ARPC5: variants seen among roughly 807,000 people sequenced by gnomAD.
ARPC5 encodes actin-related protein 2/3 complex subunit 5.
Under a neutral mutation model 15.4 loss-of-function variants are expected in ARPC5, and 5 were observed. The ratio of observed to expected loss-of-function variants is 0.32; its 90% confidence interval spans 0.17 to 0.68. The LOEUF (loss-of-function observed/expected upper bound fraction) is 0.68. Among genes scored for constraint, ARPC5 ranks in the 30% least tolerant of loss-of-function variants. The pLI is 0.71. For missense variants in ARPC5, 138 were observed against 192.8 expected (o/e 0.72, Z 1.68); for synonymous variants, 85 against 72.2 (o/e 1.18, Z -0.90).
rs910080900 is a variant in ARPC5, at chr1:183,621,217, G to T, written c.*6315C>A. ...AAAGTATAATTGATAAAACCTTTAA[G>T]AAAGGCAATTTAGCAATATCTCCCT... On this transcript the variant is annotated 3_prime_UTR_variant, in exon 4 of 4. Transcript: ENST00000359856. 4.6e-5 allele frequency: 7 copies of T among 152,140 alleles called. No individual in the cohort carries two copies. Among genetic ancestry groups the T allele is most frequent in the African/African-American group, 1.2e-4 (5 of 41,442 alleles). 9.4% of individuals were successfully genotyped at this position (152,140 alleles called of 1,614,324 possible).
intron 1 of ARPC5, among the ~76,000 whole-genome samples, chr1:183,634,631 T>C (rs941687853): frequency 6.6e-6 from 1 of 152,212 alleles, no homozygotes; most frequent in Non-Finnish European, 1.5e-5. Context: ...AACCGGGAAC[T>C]GACTGCCATA....
Position 183,635,547 on chromosome 1 carries a change from T to C in ARPC5, c.113A>G (p.Asp38Gly). 1 of 1,612,972 alleles carries C rather than the reference T, an allele frequency of 6.2e-7. No homozygotes were observed. Among genetic ancestry groups the C allele is most frequent in the Non-Finnish European group, 8.5e-7 (1 of 1,179,700 alleles). ...CAGGCAGGAGTCCACCTCGCCCTCG[T>C]CGGGCCCGGCCTGGCCGTCGCCCCC... ...EDGGDGQAGP[D>G]EGEVDSCLRQ... Residue 38 changes from aspartate to glycine, a missense_variant, in exon 1 of 4, where the codon GAC (aspartate) becomes GGC (glycine). Physicochemically the swap from Asp to Gly is moderately conservative, Grantham distance 94. Transcript: ENST00000359856.
At chr1:183,627,902 G>A (rs111866408) in intron 3 of ARPC5, among the ~76,000 whole-genome samples, 9 of 152,044 alleles carry the variant, frequency 5.9e-5, no homozygotes, top group Admixed American at 1.3e-4. Context: ...GGCCGGGCGC[G>A]GTGGCTCACG....
rs1649323762 is a variant in ARPC5 at position 183,633,363 on chromosome 1, C to CTAATTTCACCCTTGGTTTTTAAT, written c.144-210_144-209insATTAAAAACCAAGGGTGAAATTA. 1.3e-5 allele frequency: 5 copies of CTAATTTCACCCTTGGTTTTTAAT among 392,236 alleles called. No homozygotes were observed. In the South Asian group the frequency reaches 1.8e-4, roughly 14 times the overall value. The allele number at this position is 392,236 out of a possible 1,614,324, so 24.3% of individuals were successfully genotyped here. A position where few individuals can be genotyped will look rare whatever the true frequency, so the allele number is the denominator to read the frequency against. On this transcript the variant is annotated intron_variant, in intron 1 of 3. Coordinates refer to ENST00000359856, the MANE Select transcript of ARPC5 (RefSeq NM_005717.4). ...AACATTAGACTTTTTTTTAATAAAG[C>CTAATTTCACCCTTGGTTTTTAAT]AAAGACTGTTTCACCCTTGGTTCTA...
chr1:183,626,836 T>A lies in ARPC5; in HGVS notation c.*696A>T. On this transcript the variant is annotated 3_prime_UTR_variant, in exon 4 of 4. Coordinates refer to ENST00000359856, the MANE Select transcript of ARPC5 (RefSeq NM_005717.4). ...TTTGATGTTCATGCCCAACAAGCTC[T>A]GATATTTTATGGATACATTTGTATA... 1 of 152,302 alleles carries A rather than the reference T, an allele frequency of 6.6e-6. No homozygotes were observed. The highest frequency in any genetic ancestry group is 1.9e-4 in the East Asian group (1 of 5,200). 9.4% of individuals were successfully genotyped at this position (152,302 alleles called of 1,614,324 possible).
intron 3 of ARPC5, among the ~76,000 whole-genome samples, chr1:183,629,049 A>T (rs1461887684): frequency 6.6e-6 from 1 of 152,222 alleles, no homozygotes; most frequent in African/African-American, 2.4e-5. Flanking sequence ...GAACAGATAG[A>T]TTTCAGAAAT....
Position 183,623,614 on chromosome 1 carries a change from G to T in ARPC5, c.*3918C>A. ...TTTAAGGGCACTTGGTTCTACAGAG[G>T]CCGTTGGTCTGTTCCTTAATTGGGT... On this transcript the variant is annotated 3_prime_UTR_variant, in exon 4 of 4. Transcript: ENST00000359856. 8.8e-7 allele frequency: 1 copy of T among 1,142,572 alleles called. No individual in the cohort carries two copies. The allele number at this position is 1,142,572 out of a possible 1,614,324, so 70.8% of individuals were successfully genotyped here. A position where few individuals can be genotyped will look rare whatever the true frequency, so the allele number is the denominator to read the frequency against.
At chr1:183,631,631 G>C (rs940863269) in intron 2 of ARPC5, 3 of 150,090 alleles carry the variant, frequency 2.0e-5, no homozygotes, top group Admixed American at 6.6e-5. Context: ...AGGCAGATTT[G>C]CAGTTTCACC....
At chr1:183,628,803 G>A (rs1307850574) in intron 3 of ARPC5, among the ~76,000 whole-genome samples, 4 of 152,230 alleles carry the variant, frequency 2.6e-5, no homozygotes. Flanking sequence ...CAGGAAAAAG[G>A]CTGGCATTGC....
rs909909155 is a variant in ARPC5 at position 183,622,155 on chromosome 1, C to T, written c.*5377G>A. The stretch of plus-strand genomic sequence containing the variant: ...GGGTAAAATCTTATATAGGTATTTG[C>T]CTGTAAATGCATACACTGTATCTGG... On this transcript the variant is annotated 3_prime_UTR_variant, in exon 4 of 4. Coordinates refer to ENST00000359856, the MANE Select transcript of ARPC5 (RefSeq NM_005717.4). The T allele has an allele frequency of 6.6e-6, 1 of 152,042 alleles. No individual in the cohort carries two copies. The highest frequency in any genetic ancestry group is 2.4e-5 in the African/African-American group (1 of 41,404). The allele number at this position is 152,042 out of a possible 1,614,324, so 9.4% of individuals were successfully genotyped here. A position where few individuals can be genotyped will look rare whatever the true frequency, so the allele number is the denominator to read the frequency against.
intron 2 of ARPC5, chr1:183,630,905 G>C (rs530654907): frequency 2.9e-6 from 1 of 348,734 alleles, no homozygotes; most frequent in African/African-American, 2.1e-5. Flanking sequence ...AGAGGTTATG[G>C]GAGGACAGAT....
Position 183,623,435 on chromosome 1 carries a change from C to CCTCCGTGGGCTTCCT in ARPC5, c.*4096_*4097insAGGAAGCCCACGGAG. On this transcript the variant is annotated 3_prime_UTR_variant, in exon 4 of 4. Coordinates refer to ENST00000359856, the MANE Select transcript of ARPC5 (RefSeq NM_005717.4). ...ACATGCTGTACCTCTGTGGGCTTCC[C>CCTCCGTGGGCTTCCT]GGGCCTCCTCCATATCTGGAATCAT... 1.9e-6 allele frequency: 3 copies of CCTCCGTGGGCTTCCT among 1,550,134 alleles called. No homozygotes were observed. Among genetic ancestry groups the CCTCCGTGGGCTTCCT allele is most frequent in the Non-Finnish European group, 2.6e-6 (3 of 1,146,810 alleles).
chr1:183,628,947 G>A (rs1057041513), intron 3 of ARPC5, among the ~76,000 whole-genome samples: 2 of 152,198 alleles, frequency 1.3e-5, no homozygotes, highest in South Asian at 4.1e-4. Flanking sequence ...GAACAGATTT[G>A]AAGGAGGCAA....
Position 183,635,582 on chromosome 1 carries a change from G to A in ARPC5, c.78C>T (p.Asp26=). The A allele has an allele frequency of 6.2e-7, 1 of 1,613,674 alleles. No individual in the cohort carries two copies. The highest frequency in any genetic ancestry group is 8.5e-7 in the Non-Finnish European group (1 of 1,179,896). The change falls in exon 1 of 4, where the codon GAC becomes GAT. Residue 26 remains aspartate, a synonymous_variant. Coordinates refer to ENST00000359856, the MANE Select transcript of ARPC5 (RefSeq NM_005717.4). ...CCTGGCCGTCGCCCCCATCTTCTTC[G>A]TCCACGAACTTGTTCTCGTCATATT... The part of the protein sequence containing the change: ...VDEYDENKFV[D]EEDGGDGQAG...
rs781393627 is a variant in ARPC5, at chr1:183,630,495, T to C, written c.359A>G (p.Asn120Ser). 5 of 1,613,666 alleles carry C rather than the reference T, an allele frequency of 3.1e-6. No individual in the cohort carries two copies. The South Asian group carries it at 3.3e-5, about 11-fold the overall frequency. Residue 120 changes from asparagine to serine, a missense_variant, in exon 3 of 4, where the codon AAT becomes AGT. Transcript: ENST00000359856. The part of the protein sequence containing the change: ...IYKGFESPSD[N>S]SSAMLLQWHE... Reference sequence around the variant, plus strand: ...CCATTGCAGTAACATAGCACTGCTATTGTCAGACGGGCTCTCAAATCCTTT... The same window carrying C: ...CCATTGCAGTAACATAGCACTGCTACTGTCAGACGGGCTCTCAAATCCTTT...
At chr1:183,630,820 C>T in intron 2 of ARPC5, 183 bp from the exon 3 acceptor site, 2 of 539,672 alleles carry the variant, frequency 3.7e-6, no homozygotes, top group Non-Finnish European at 6.3e-6. Flanking sequence ...AGTGTGTGTT[C>T]AGTGTGTTCC....
chr1:183,627,620 T>C, intron 3 of ARPC5, 26 bp from the exon 4 acceptor site: 1 of 1,586,690 alleles, frequency 6.3e-7, no homozygotes, highest in Non-Finnish European at 8.7e-7. Context: ...GATGTAAATG[T>C]TGACAGAATA....
Position 183,630,541 on chromosome 1 carries a change from G to T in ARPC5, c.313C>A (p.Leu105Ile). Residue 105 changes from leucine (L) to isoleucine (I), a missense_variant, in exon 3 of 4, where the codon CTC becomes ATC. Leu to Ile is a conservative substitution (Grantham distance 5, BLOSUM62 2). Transcript: ENST00000359856. The part of the protein sequence containing the change: ...VQSLDKNGVD[L>I]LMKYIYKGFE... The stretch of plus-strand genomic sequence containing the variant: ...CCTTTATAAATATACTTCATTAGGA[G>T]ATCCACACCATTCTTGTCCAGAGAT... The T allele has an allele frequency of 6.2e-7, 1 of 1,613,874 alleles. No homozygotes were observed. The highest frequency in any genetic ancestry group is 8.5e-7 in the Non-Finnish European group (1 of 1,179,832).
At chr1:183,628,823 AGG>A (rs1649184186) in intron 3 of ARPC5, among the ~76,000 whole-genome samples, 7 of 152,228 alleles carry the variant, frequency 4.6e-5, no homozygotes, top group Non-Finnish European at 1.0e-4. Flanking sequence ...CTATAGCCTG[AGG>A]GGAAGAATGA....
Sources: gnomAD v4.1 joint callset for allele counts (sites outside exome capture counted in the v4.1 genomes callset) on GRCh38, gnomAD v4.1.1 for gene constraint, MANE v1.5 for transcripts, NCBI Gene and HGNC (gene_info 2026-07-23, HGNC 2026-07-21) for gene names.